Variants in CNTNAP2 observed in about 807,000 individuals in gnomAD.
The protein encoded by CNTNAP2 is contactin associated protein 2, also known as contactin-associated protein-like 2.
Under a neutral mutation model 155.2 loss-of-function variants are expected in CNTNAP2, and 98 were observed. The ratio of observed to expected loss-of-function variants is 0.63; its 90% CI spans 0.54 to 0.75. CNTNAP2 has a LOEUF of 0.75. CNTNAP2 is among the 30% of genes least tolerant of loss of function. CNTNAP2 has a pLI of 0.00. For synonymous variants in CNTNAP2, 651 were observed against 631.2 expected (o/e 1.03, Z -0.47); for missense variants, 1,727 against 1,688.1 (o/e 1.02, Z -0.40).
At chr7:147,299,521 TTAG>T (rs1340206730) in intron 8 of CNTNAP2, among the ~76,000 whole-genome samples, 1 of 152,122 alleles carries the variant, frequency 6.6e-6, no homozygotes, top group East Asian at 1.9e-4. Context: ...TCCATGACTA[TTAG>T]TGGTCAGTTC....
At chr7:147,304,226 GGGGA>G (rs1218725029) in intron 9 of CNTNAP2, among the ~76,000 whole-genome samples, 1 of 151,182 alleles carries the variant, frequency 6.6e-6, no homozygotes, top group Non-Finnish European at 1.5e-5. Flanking sequence ...TTTTTTTCTT[GGGGA>G]TAAGCAGACA....
intron 21 of CNTNAP2, among the ~76,000 whole-genome samples, chr7:148,316,581 A>G (rs113130929): frequency 3.3e-5 from 5 of 152,258 alleles, no homozygotes; most frequent in African/African-American, 1.2e-4. Flanking sequence ...CACCTATTTT[A>G]TGCAAAGTTC....
At chr7:146,717,916 A>AATGGCAC (rs906060407) in intron 1 of CNTNAP2, among the ~76,000 whole-genome samples, 2 of 151,550 alleles carry the variant, frequency 1.3e-5, no homozygotes, top group Admixed American at 1.3e-4. Context: ...ACGGATGACC[A>AATGGCAC]ATGGCAGTGC....
chr7:147,707,815 C>T (rs1271551771), intron 13 of CNTNAP2, among the ~76,000 whole-genome samples: 1 of 152,170 alleles, frequency 6.6e-6, no homozygotes, highest in Non-Finnish European at 1.5e-5. Flanking sequence ...TCCAGTCCCA[C>T]CTGTGGTATG....
At chr7:147,300,476 A>T (rs1382070676) in intron 9 of CNTNAP2, among the ~76,000 whole-genome samples, 186 bp downstream of exon 9, 1 of 152,224 alleles carries the variant, frequency 6.6e-6, no homozygotes, top group African/African-American at 2.4e-5. Context: ...TCTGATGAAG[A>T]TATTAAGATG....
rs369046214 is a variant in CNTNAP2 at position 148,147,488 on chromosome 7, C to T, written c.2555-3C>T. On this transcript the variant is annotated splice_polypyrimidine_tract_variant and splice_region_variant and intron_variant, in intron 16 of 23. Transcript: ENST00000361727. ...ATGTTTTTCATGCTTTCTGCTCCTCCAGCTGCCACAGAAGTGTCCTTTTCA... is the reference window on the plus strand; with the variant it reads ...ATGTTTTTCATGCTTTCTGCTCCTCTAGCTGCCACAGAAGTGTCCTTTTCA... The T allele has an allele frequency of 4.3e-6, 7 of 1,613,878 alleles. No homozygotes were observed. In the African/African-American group the frequency reaches 9.3e-5, roughly 22 times the overall value.
chr7:148,137,179 T>A (rs887034958), intron 16 of CNTNAP2, among the ~76,000 whole-genome samples: 1 of 152,216 alleles, frequency 6.6e-6, no homozygotes, highest in Non-Finnish European at 1.5e-5. Context: ...TTCTATATTT[T>A]TAATGTTCAA....
intron 1 of CNTNAP2, among the ~76,000 whole-genome samples, chr7:146,180,908 T>C (rs533364655): frequency 6.6e-6 from 1 of 152,314 alleles, no homozygotes; most frequent in African/African-American, 2.4e-5. Context: ...GTATGTGCTG[T>C]GCCTTGTAGA....
At chr7:147,442,825 G>T (rs1797665723) in intron 10 of CNTNAP2, among the ~76,000 whole-genome samples, 1 of 152,098 alleles carries the variant, frequency 6.6e-6, no homozygotes, top group South Asian at 2.1e-4. Flanking sequence ...TGGAAAGGGG[G>T]CCTCATGACT....
rs117881703 is a variant in CNTNAP2, at chr7:147,440,213, T to C, written c.1670+44433T>C. On this transcript the variant is annotated intron_variant, in intron 10 of 23. Coordinates refer to ENST00000361727, the MANE Select transcript of CNTNAP2 (RefSeq NM_014141.6). ...TTATATAATTTAGTTTCTTGTTTTTTATTTTCTGTGTATCTGTTGTGTGTT... is the reference window on the plus strand; with the variant it reads ...TTATATAATTTAGTTTCTTGTTTTTCATTTTCTGTGTATCTGTTGTGTGTT... 7.4e-4 allele frequency among the ~76,000 whole-genome samples: 113 copies of C among 152,214 alleles called. No homozygotes were observed. The East Asian group carries it at 0.018, about 24-fold the overall frequency.
chr7:148,208,099 A>G (rs1441521419), intron 18 of CNTNAP2, among the ~76,000 whole-genome samples: 1 of 152,056 alleles, frequency 6.6e-6, no homozygotes, highest in Non-Finnish European at 1.5e-5. Context: ...AAAAAAAAAA[A>G]AAAAAGAGGT....
At chr7:147,005,105 C>T (rs980105984) in intron 3 of CNTNAP2, among the ~76,000 whole-genome samples, 1 of 151,986 alleles carries the variant, frequency 6.6e-6, no homozygotes. Context: ...AAAGCTATGT[C>T]ATATTTTATT....
chr7:147,230,076 A>C (rs1803642754), intron 8 of CNTNAP2, among the ~76,000 whole-genome samples: 1 of 152,164 alleles, frequency 6.6e-6, no homozygotes, highest in African/African-American at 2.4e-5. Context: ...CAATTAAATG[A>C]TCCAAAGGCT....
At chr7:146,683,726 G>A (rs1247846530) in intron 1 of CNTNAP2, among the ~76,000 whole-genome samples, 1 of 152,150 alleles carries the variant, frequency 6.6e-6, no homozygotes, top group East Asian at 1.9e-4. Context: ...GGTCATGAAT[G>A]AAAATATCCT....
chr7:147,746,358 C>G (rs977059142), intron 13 of CNTNAP2, among the ~76,000 whole-genome samples: 1 of 152,130 alleles, frequency 6.6e-6, no homozygotes, highest in Admixed American at 6.5e-5. Context: ...TTTCTTGTGC[C>G]CCTTCTAGTA....
At chr7:146,990,535 A>G (rs1469514301) in intron 3 of CNTNAP2, among the ~76,000 whole-genome samples, 3 of 152,072 alleles carry the variant, frequency 2.0e-5, no homozygotes, top group Non-Finnish European at 2.9e-5. Context: ...TTATGAGTAT[A>G]TACTATTCTG....
chr7:148,032,932 A>G (rs1361060389), intron 15 of CNTNAP2, among the ~76,000 whole-genome samples: 1 of 152,158 alleles, frequency 6.6e-6, no homozygotes, highest in Non-Finnish European at 1.5e-5. Flanking sequence ...GTTGTAGTCC[A>G]TGAATTCATG....
chr7:148,326,048 C>G (rs182695198), intron 21 of CNTNAP2, among the ~76,000 whole-genome samples: 2 of 152,240 alleles, frequency 1.3e-5, no homozygotes, highest in Admixed American at 6.5e-5. Context: ...ACCCTTACTG[C>G]AAATTACTGC....
intron 3 of CNTNAP2, among the ~76,000 whole-genome samples, chr7:146,920,223 G>T (rs987103982): frequency 6.6e-6 from 1 of 152,090 alleles, no homozygotes; most frequent in African/African-American, 2.4e-5. Flanking sequence ...AGACCAGCCT[G>T]GGCAAGGTGG....
Sources: gnomAD v4.1 joint callset for allele counts (sites outside exome capture counted in the v4.1 genomes callset) on GRCh38, gnomAD v4.1.1 for gene constraint, MANE v1.5 for transcripts, NCBI Gene and HGNC (gene_info 2026-07-23, HGNC 2026-07-21) for gene names.